Variants in AMOTL1 observed in about 807,000 individuals in gnomAD.
AMOTL1 encodes the protein angiomotin like 1.
A neutral mutation model predicts 102.9 loss-of-function variants in AMOTL1; 45 were observed. That is an observed-to-expected ratio of 0.44 (90% CI 0.34 to 0.56). The LOEUF (loss-of-function observed/expected upper bound fraction) is 0.56. Among genes scored for constraint, AMOTL1 ranks in the 20% least tolerant of loss-of-function variants. AMOTL1 has a pLI of 0.01. For synonymous variants in AMOTL1, 481 were observed against 484.7 expected, an observed-to-expected ratio of 0.99 and a Z score of 0.10; for missense variants, 1,114 against 1,225.6, an observed-to-expected ratio of 0.91 and a Z score of 1.36.
Position 94,799,364 on chromosome 11 carries a change from T to A in AMOTL1, c.200-26T>A, listed in dbSNP as rs755790854. 50 of 1,522,298 alleles carry A rather than the reference T, an allele frequency of 3.3e-5. No homozygotes were observed. The highest frequency in any genetic ancestry group is 4.4e-5 in the Non-Finnish European group (50 of 1,128,978). The allele number at this position is 1,522,298 out of a possible 1,614,324, so 94.3% of individuals were successfully genotyped here. A position where few individuals can be genotyped will look rare whatever the true frequency, so the allele number is the denominator to read the frequency against. ...ATATCTCCTGTGGAGCTGCCTGATA[T>A]CTTTTTTCCTATGTTTATCTTTTAG... On this transcript the variant is annotated intron_variant, in intron 2 of 12. Transcript: ENST00000433060. The surrounding 1 kb of genome is among the most constrained non-coding windows in gnomAD (Gnocchi z 4.5).
chr11:94,797,377 C>T (rs567264297), intron 2 of AMOTL1, among the ~76,000 whole-genome samples: 1 of 152,320 alleles, frequency 6.6e-6, no homozygotes, highest in African/African-American at 2.4e-5. Flanking sequence ...TTTTTTATTT[C>T]ATGGAGCTCA....
chr11:94,759,038 T>C lies in AMOTL1; in HGVS notation c.136+18050T>C, dbSNP rs575815981. On this transcript the variant is annotated intron_variant, in intron 3 of 4. Coordinates refer to the AMOTL1 transcript ENST00000299004. Reference sequence around the variant, plus strand: ...TCTATACGGATTAGATATGTTTTTTTCTGAAGATCATATCAATTAGACATT... The same window carrying C: ...TCTATACGGATTAGATATGTTTTTTCCTGAAGATCATATCAATTAGACATT... Among the ~76,000 whole-genome samples, 6 of 152,364 alleles carry C rather than the reference T, an allele frequency of 3.9e-5. No individual in the cohort carries two copies. The South Asian group carries it at 8.3e-4, about 21-fold the overall frequency.
At chr11:94,827,407 C>G (rs1261222655) in intron 4 of AMOTL1, among the ~76,000 whole-genome samples, 1 of 152,108 alleles carries the variant, frequency 6.6e-6, no homozygotes, top group East Asian at 1.9e-4. Context: ...GGGGACTGTT[C>G]CTGTGACATG....
At chr11:94,797,015 A>G (rs1446639935) in intron 2 of AMOTL1, 2 of 985,290 alleles carry the variant, frequency 2.0e-6, no homozygotes, top group African/African-American at 3.5e-5. Flanking sequence ...AGCAAAGGAT[A>G]AAAAGGTCAG....
chr11:94,869,527 T>A (rs1019481111), intron 12 of AMOTL1, 54 bp downstream of exon 12: 53 of 1,504,846 alleles, frequency 3.5e-5, no homozygotes, highest in Non-Finnish European at 3.1e-5. Context: ...CTGTCTGGCC[T>A]AAGAGAATCT....
At chr11:94,830,930 T>C (rs1221705414) in intron 5 of AMOTL1, among the ~76,000 whole-genome samples, 16 of 152,260 alleles carry the variant, frequency 1.1e-4, no homozygotes, top group Admixed American at 9.8e-4. Context: ...AGTTGGATTA[T>C]TTATTGAATA....
intron 8 of AMOTL1, among the ~76,000 whole-genome samples, chr11:94,856,457 G>A (rs115367651): frequency 1.4e-4 from 22 of 152,110 alleles, no homozygotes; most frequent in Admixed American, 1.4e-3. Flanking sequence ...GGGCTGGTCT[G>A]GGGGGCAGCT....
At chr11:94,785,392 A>C (rs1951170191) in intron 1 of AMOTL1, among the ~76,000 whole-genome samples, 1 of 152,188 alleles carries the variant, frequency 6.6e-6, no homozygotes, top group Non-Finnish European at 1.5e-5. Context: ...CTGTGAGCTC[A>C]GTATCACTAT....
intron 3 of AMOTL1, among the ~76,000 whole-genome samples, chr11:94,743,068 C>T (rs1950547551): frequency 1.3e-5 from 2 of 152,098 alleles, no homozygotes; most frequent in African/African-American, 4.8e-5. Context: ...ATGGGGTTCC[C>T]TTCTGGGATC....
At chr11:94,781,314 C>T (rs774367078) in intron 1 of AMOTL1, among the ~76,000 whole-genome samples, 2 of 152,328 alleles carry the variant, frequency 1.3e-5, no homozygotes, top group Admixed American at 6.5e-5. Flanking sequence ...CAAAGGGCCT[C>T]TTTCAGGTTT....
intron 3 of AMOTL1, among the ~76,000 whole-genome samples, chr11:94,819,975 G>A (rs1482749993): frequency 1.3e-5 from 2 of 152,176 alleles, no homozygotes; most frequent in African/African-American, 2.4e-5. Flanking sequence ...AAAGATAGGA[G>A]CTAATACTAG....
chr11:94,766,548 G>A (rs1018706624), upstream of AMOTL1, among the ~76,000 whole-genome samples: 3 of 152,182 alleles, frequency 2.0e-5, no homozygotes. Flanking sequence ...TGGGCAATTA[G>A]TAAAGATTAG....
chr11:94,745,554 T>C (rs999739430), intron 3 of AMOTL1, among the ~76,000 whole-genome samples: 3 of 152,224 alleles, frequency 2.0e-5, no homozygotes, highest in African/African-American at 7.2e-5. Flanking sequence ...TTTTTTATTA[T>C]GTTGTGTCAT....
At chr11:94,805,414 T>C (rs1951551732) in intron 3 of AMOTL1, among the ~76,000 whole-genome samples, 2 of 152,146 alleles carry the variant, frequency 1.3e-5, no homozygotes, top group Admixed American at 6.5e-5. Flanking sequence ...CATTTGGAGG[T>C]GCTTTCATTC....
chr11:94,806,122 G>A (rs1951563917), intron 3 of AMOTL1, among the ~76,000 whole-genome samples: 1 of 152,248 alleles, frequency 6.6e-6, no homozygotes, highest in Non-Finnish European at 1.5e-5. Flanking sequence ...ACAGTGCAGG[G>A]AGGAGGGACA....
At chr11:94,850,410 T>C (rs1268983007) in intron 7 of AMOTL1, among the ~76,000 whole-genome samples, 151 bp downstream of exon 7, 1 of 152,026 alleles carries the variant, frequency 6.6e-6, no homozygotes, top group African/African-American at 2.4e-5. Context: ...CAAATAAAAG[T>C]GAATAAAAAC....
At chr11:94,722,753 G>A (rs1815907) in intron 1 of AMOTL1, among the ~76,000 whole-genome samples, 114,204 of 152,112 alleles carry the variant, frequency 0.75, 47,104 homozygotes, top group Non-Finnish European at 0.92. Flanking sequence ...TGCTGAAATG[G>A]TAACAGTACT....
chr11:94,743,189 G>A (rs1236224970), intron 3 of AMOTL1, among the ~76,000 whole-genome samples: 2 of 152,186 alleles, frequency 1.3e-5, no homozygotes, highest in Non-Finnish European at 2.9e-5. Context: ...ACTAGCCTCA[G>A]TTTCCTTATC....
chr11:94,788,376 TA>T (rs1182678858), intron 1 of AMOTL1, among the ~76,000 whole-genome samples: 2 of 152,346 alleles, frequency 1.3e-5, no homozygotes, highest in African/African-American at 4.8e-5. Context: ...CTCTATTCCT[TA>T]AAGAGACAAC....
Sources: allele counts gnomAD v4.1 joint callset (sites outside exome capture counted in the v4.1 genomes callset), GRCh38; gene constraint gnomAD v4.1.1; non-coding constraint Gnocchi (gnomAD v3.1); transcripts MANE v1.5; gene names NCBI Gene and HGNC (gene_info 2026-07-23, HGNC 2026-07-21).